UGP2: variants seen among roughly 807,000 people sequenced by gnomAD.
The protein encoded by UGP2 is UDP-glucose pyrophosphorylase 2, also known as UTP--glucose-1-phosphate uridylyltransferase.
In UGP2, 40 loss-of-function variants were observed where a neutral mutation model predicts 49.0. That is an observed-to-expected ratio of 0.82 (90% CI 0.63 to 1.06). The LOEUF (loss-of-function observed/expected upper bound fraction) is 1.06. Among genes scored for constraint, UGP2 ranks in the 50% least tolerant of loss-of-function variants. The probability of loss-of-function intolerance (pLI) is 0.00; values close to 1 mark genes in which losing one functional copy is unlikely to be tolerated. For missense variants in UGP2, 460 were observed against 603.5 expected (o/e 0.76, Z 2.49); for synonymous variants, 225 against 213.0 (o/e 1.06, Z -0.49).
intron 3 of UGP2, among the ~76,000 whole-genome samples, chr2:63,879,872 G>C (rs1053626431): frequency 6.6e-6 from 1 of 152,000 alleles, no homozygotes; most frequent in African/African-American, 2.4e-5. Flanking sequence ...AACATAAATA[G>C]GTAAGACTGT....
chr2:63,843,876 TC>T (rs1575794181), intron 1 of UGP2, among the ~76,000 whole-genome samples: 1 of 152,104 alleles, frequency 6.6e-6, no homozygotes, highest in East Asian at 1.9e-4. Context: ...CCACTTTTTT[TC>T]TTTTTTCTTT....
intron 4 of UGP2, chr2:63,883,132 A>T (rs34196086): frequency 0.21 from 32,067 of 152,156 alleles, 4,063 homozygotes; most frequent in Non-Finnish European, 0.26. Flanking sequence ...CCTTATCCTA[A>T]TGCCTAGTAT....
intron 3 of UGP2, among the ~76,000 whole-genome samples, chr2:63,869,850 C>T (rs1670430196): frequency 6.6e-6 from 1 of 151,944 alleles, no homozygotes; most frequent in South Asian, 2.1e-4. Flanking sequence ...ACTCATCCAT[C>T]ACTGGAAAAA....
intron 4 of UGP2, 112 bp downstream of exon 4, chr2:63,882,763 GC>G (rs749394145): frequency 1.7e-4 from 196 of 1,180,922 alleles, no homozygotes; most frequent in Non-Finnish European, 2.2e-4. Context: ...CAAAGAGCCT[GC>G]TATCTTTAAT....
chr2:63,872,885 G>T (rs1670653269), intron 3 of UGP2, among the ~76,000 whole-genome samples: 1 of 151,988 alleles, frequency 6.6e-6, no homozygotes, highest in Non-Finnish European at 1.5e-5. Flanking sequence ...ACGAGGTGTT[G>T]GTGCTCTGTA....
At chr2:63,883,058 A>C (rs553499698) in intron 4 of UGP2, among the ~76,000 whole-genome samples, 33 of 152,320 alleles carry the variant, frequency 2.2e-4, no homozygotes, top group Admixed American at 3.9e-4. Context: ...CTTCTCTCTT[A>C]GGACAAAGTC....
At chr2:63,849,908 G>A (rs1668928583) in intron 1 of UGP2, among the ~76,000 whole-genome samples, 1 of 152,172 alleles carries the variant, frequency 6.6e-6, no homozygotes, top group South Asian at 2.1e-4. Context: ...TGCACACATA[G>A]CAAGTTACAC....
chr2:63,844,624 C>A (rs549464576), intron 1 of UGP2, among the ~76,000 whole-genome samples: 15 of 152,212 alleles, frequency 9.9e-5, no homozygotes, highest in African/African-American at 3.4e-4. Context: ...TGCAGTGGTG[C>A]GATCACAGCT....
At chr2:63,851,827 A>C (rs1304699747) in intron 1 of UGP2, among the ~76,000 whole-genome samples, 1 of 152,210 alleles carries the variant, frequency 6.6e-6, no homozygotes, top group Non-Finnish European at 1.5e-5. Flanking sequence ...ACAAAAGCTT[A>C]TCAGACCTTC....
chr2:63,849,334 A>G (rs1220558753), intron 1 of UGP2, among the ~76,000 whole-genome samples: 1 of 152,106 alleles, frequency 6.6e-6, no homozygotes, highest in Non-Finnish European at 1.5e-5. Context: ...ATTTTCTTCT[A>G]TTTGCTGCTC....
chr2:63,876,924 G>A (rs564378825), intron 3 of UGP2, among the ~76,000 whole-genome samples: 3 of 152,266 alleles, frequency 2.0e-5, no homozygotes, highest in African/African-American at 7.2e-5. Flanking sequence ...CCAACCTTGG[G>A]GATATTCGAG....
chr2:63,852,599 C>T (rs1669115989), intron 1 of UGP2, among the ~76,000 whole-genome samples: 1 of 152,148 alleles, frequency 6.6e-6, no homozygotes, highest in South Asian at 2.1e-4. Flanking sequence ...ATGGGGGTTG[C>T]AGCTTAAGGA....
intron 3 of UGP2, among the ~76,000 whole-genome samples, chr2:63,869,037 T>C (rs1670370184): frequency 6.6e-6 from 1 of 152,190 alleles, no homozygotes; most frequent in Non-Finnish European, 1.5e-5. Flanking sequence ...CAGCTGTTTT[T>C]TGAGCACCAA....
rs558973648 is a variant in UGP2, at chr2:63,842,363, T to A, written c.19+159T>A. The A allele has an allele frequency of 4.5e-4, 725 of 1,601,890 alleles. No individual in the cohort carries two copies. The African/African-American group carries it at 6.6e-3, about 15-fold the overall frequency. On this transcript the variant is annotated intron_variant, in intron 1 of 9. Coordinates refer to ENST00000337130, the MANE Select transcript of UGP2 (RefSeq NM_006759.4). ...TGTCATCTGAGCTGCCTTGAGCTGC[T>A]GGGTTGACGTTCCAGACGCGTATAA...
intron 2 of UGP2, chr2:63,856,986 A>C: frequency 2.7e-6 from 1 of 372,210 alleles, no homozygotes; most frequent in South Asian, 2.1e-5. Context: ...TTCATTGAGA[A>C]GTAGAGAAAG....
chr2:63,865,516 C>A (rs1483306447), intron 3 of UGP2, among the ~76,000 whole-genome samples: 5 of 148,116 alleles, frequency 3.4e-5, no homozygotes, highest in African/African-American at 1.2e-4. Context: ...TCTCCATTCT[C>A]AGAATGCTTG....
At chr2:63,855,239 G>A (rs75118511) in intron 1 of UGP2, among the ~76,000 whole-genome samples, 3,372 of 152,202 alleles carry the variant, frequency 0.022, 38 homozygotes, top group East Asian at 0.037. Flanking sequence ...GTATATAAGG[G>A]GAAAGAGTTT....
intron 9 of UGP2, 24 bp from the exon 10 acceptor site, chr2:63,891,096 T>TC: frequency 6.3e-7 from 1 of 1,595,226 alleles, no homozygotes; most frequent in Non-Finnish European, 8.6e-7. Context: ...GCAAGTACAC[T>TC]CTTTTGTTTT....
chr2:63,843,558 T>C (rs1671725821), intron 1 of UGP2, among the ~76,000 whole-genome samples: 1 of 152,252 alleles, frequency 6.6e-6, no homozygotes, highest in Non-Finnish European at 1.5e-5. Context: ...TGTAGAGTTA[T>C]GCTTTAGAAT....
Sources: allele counts gnomAD v4.1 joint callset (sites outside exome capture counted in the v4.1 genomes callset), GRCh38; gene constraint gnomAD v4.1.1; transcripts MANE v1.5; gene names NCBI Gene and HGNC (gene_info 2026-07-23, HGNC 2026-07-21).